The following MMP2 variants were observed in gnomAD, a reference collection of about 807,000 sequenced individuals.
MMP2 encodes 72 kDa type IV collagenase.
In MMP2, 39 loss-of-function variants were observed where a neutral mutation model predicts 74.8. That is an observed-to-expected ratio of 0.52 (90% confidence interval 0.40 to 0.68). The LOEUF (loss-of-function observed/expected upper bound fraction) is 0.68, where lower values mean the gene tolerates loss of function less well. MMP2 is among the 30% of genes least tolerant of loss of function. MMP2 has a pLI of 0.00. For synonymous variants in MMP2, 367 were observed against 339.8 expected (o/e 1.08, Z -0.88); for missense variants, 803 against 878.3 (o/e 0.91, Z 1.08).
intron 11 of MMP2, among the ~76,000 whole-genome samples, chr16:55,500,649 G>A (rs17859990): frequency 0.039 from 5,969 of 152,266 alleles, 149 homozygotes; most frequent in East Asian, 0.097. Context: ...GACAGACAGC[G>A]TGCTCTACAG....
intron 12 of MMP2, among the ~76,000 whole-genome samples, chr16:55,504,439 G>A (rs777816278): frequency 6.6e-6 from 1 of 152,100 alleles, no homozygotes; most frequent in African/African-American, 2.4e-5. Context: ...TTTAATAATA[G>A]CATATGTTAT....
At chr16:55,489,852 AC>A (rs755636345) in intron 7 of MMP2, 28 bp downstream of exon 7, 2 of 1,611,536 alleles carry the variant, frequency 1.2e-6, no homozygotes, top group South Asian at 2.2e-5. Flanking sequence ...TTGGACAGAG[AC>A]CCTGGACATT....
chr16:55,506,483 A>G lies in MMP2; in HGVS notation c.*1041A>G, dbSNP rs1420432387. The G allele has an allele frequency of 6.6e-6, 1 of 152,198 alleles. No individual in the cohort carries two copies. Among genetic ancestry groups the G allele is most frequent in the African/African-American group, 2.4e-5 (1 of 41,432 alleles). 9.4% of individuals were successfully genotyped at this position (152,198 alleles called of 1,614,324 possible). A position where few individuals can be genotyped will look rare whatever the true frequency, so the allele number is the denominator to read the frequency against. ...GTTGCTTTATTGTGGCATCTGTTCGAGGTTTGCTTCCTCTTTAAGTCTGTT... is the reference window on the plus strand; with the variant it reads ...GTTGCTTTATTGTGGCATCTGTTCGGGGTTTGCTTCCTCTTTAAGTCTGTT... On this transcript the variant is annotated 3_prime_UTR_variant, in exon 13 of 13. Transcript: ENST00000219070.
chr16:55,481,284 A>G (rs1177010967), intron 1 of MMP2, among the ~76,000 whole-genome samples: 1 of 152,198 alleles, frequency 6.6e-6, no homozygotes, highest in African/African-American at 2.4e-5. Flanking sequence ...TCCCTTTTAG[A>G]CCATATAGGG....
intron 9 of MMP2, among the ~76,000 whole-genome samples, chr16:55,496,346 G>A (rs982195779): frequency 8.5e-5 from 13 of 152,196 alleles, no homozygotes; most frequent in African/African-American, 3.1e-4. Context: ...GTTTTGTGAA[G>A]AAGGATGGTG....
At chr16:55,489,858 G>A (rs781755389) in intron 7 of MMP2, 34 bp downstream of exon 7, 43 of 1,609,816 alleles carry the variant, frequency 2.7e-5, no homozygotes, top group Admixed American at 5.0e-5. Flanking sequence ...AGAGACCCTG[G>A]ACATTGCCCT....
intron 1 of MMP2, chr16:55,480,427 G>A (rs1962068767): frequency 6.6e-6 from 1 of 152,180 alleles, no homozygotes; most frequent in Non-Finnish European, 1.5e-5. Context: ...GAGTGGGGCA[G>A]GCGCTGGAGG....
chr16:55,479,946 C>T (rs1328363438), intron 1 of MMP2: 3 of 184,282 alleles, frequency 1.6e-5, no homozygotes, highest in East Asian at 1.5e-4. Context: ...ATGTAAATAG[C>T]GGGGACATCC....
Position 55,506,512 on chromosome 16 carries a change from T to C in MMP2, c.*1070T>C, listed in dbSNP as rs950144654. The C allele has an allele frequency of 2.0e-5, 3 of 152,348 alleles. No individual in the cohort carries two copies. Among genetic ancestry groups the C allele is most frequent in the Middle Eastern group, 3.4e-3 (1 of 294 alleles). The allele number at this position is 152,348 out of a possible 1,614,324, so 9.4% of individuals were successfully genotyped here. A position where few individuals can be genotyped will look rare whatever the true frequency, so the allele number is the denominator to read the frequency against. The stretch of plus-strand genomic sequence containing the variant: ...TTGCTTCCTCTTTAAGTCTGTTTCT[T>C]CATTAGCAATCATATCAGTTTTAAT... On this transcript the variant is annotated 3_prime_UTR_variant, in exon 13 of 13. Transcript: ENST00000219070.
intron 9 of MMP2, 111 bp from the exon 10 acceptor site, chr16:55,496,815 C>A: frequency 1.4e-6 from 2 of 1,447,110 alleles, no homozygotes; most frequent in Non-Finnish European, 9.5e-7. Context: ...CCTCCCACTC[C>A]CATCATGGAA....
chr16:55,479,519 C>T lies in MMP2; in HGVS notation c.40C>T (p.Leu14=). Residue 14 remains leucine, a synonymous_variant, in exon 1 of 13, where the codon CTG becomes TTG. Transcript: ENST00000219070. ...LMARGALTGP[L]RALCLLGCLL... is the part of the protein sequence containing the mutation. Reference sequence around the variant, plus strand: ...GGCCCGGGGCGCGCTCACGGGTCCCCTGAGGGCGCTCTGTCTCCTGGGCTG... The same window carrying T: ...GGCCCGGGGCGCGCTCACGGGTCCCTTGAGGGCGCTCTGTCTCCTGGGCTG... 1 of 1,604,818 alleles carries T rather than the reference C, an allele frequency of 6.2e-7. No homozygotes were observed. Among genetic ancestry groups the T allele is most frequent in the Non-Finnish European group, 8.5e-7 (1 of 1,176,328 alleles).
chr16:55,490,983 C>T (rs1962389621), intron 7 of MMP2, among the ~76,000 whole-genome samples: 1 of 152,096 alleles, frequency 6.6e-6, no homozygotes, highest in Non-Finnish European at 1.5e-5. Context: ...GTCAGTAAGG[C>T]CATGTTCCCT....
intron 11 of MMP2, among the ~76,000 whole-genome samples, chr16:55,500,491 G>GCACA (rs1390341238): frequency 4.1e-5 from 2 of 49,302 alleles, no homozygotes; most frequent in Admixed American, 4.4e-4. Flanking sequence ...GCGCATGTGC[G>GCACA]CATACACACA....
At chr16:55,482,813 G>A (rs1232339779) in intron 1 of MMP2, 96 bp from the exon 2 acceptor site, 2 of 1,039,388 alleles carry the variant, frequency 1.9e-6, no homozygotes, top group Admixed American at 3.8e-5. Flanking sequence ...CTGGACTATG[G>A]CACTGGGTTG....
In MMP2 at chr16:55,488,577, G is replaced by A. The variant is rs1442995054; in HGVS notation, c.867G>A (p.Gln289=). 6.2e-7 allele frequency: 1 copy of A among 1,613,966 alleles called. No individual in the cohort carries two copies. The highest frequency in any genetic ancestry group is 8.5e-7 in the Non-Finnish European group (1 of 1,179,968). Residue 289 remains glutamine (Q), a synonymous_variant, in exon 6 of 13, where the codon CAG becomes CAA. Coordinates refer to ENST00000219070, the MANE Select transcript of MMP2 (RefSeq NM_004530.6). ...LFTMGGNAEG[Q]PCKFPFRFQG... ...CCATGGGCGGCAACGCTGAAGGACA[G>A]CCCTGCAAGTTTCCATTCCGCTTCC...
chr16:55,484,769 A>C (rs1471486115), intron 3 of MMP2, among the ~76,000 whole-genome samples: 1 of 152,242 alleles, frequency 6.6e-6, no homozygotes, highest in African/African-American at 2.4e-5. Context: ...ACATAAAGGT[A>C]TGTGGTATAG....
chr16:55,485,843 G>A, intron 5 of MMP2, 66 bp downstream of exon 5: 1 of 1,552,724 alleles, frequency 6.4e-7, no homozygotes, highest in Non-Finnish European at 8.8e-7. Context: ...GCTCCCCAGT[G>A]TGCTCTTCCC....
At chr16:55,492,799 C>T (rs17859937) in intron 8 of MMP2, among the ~76,000 whole-genome samples, 10,438 of 152,136 alleles carry the variant, frequency 0.069, 1,025 homozygotes, top group African/African-American at 0.21. Flanking sequence ...GCCCCCTGAC[C>T]GCCCTGACTC....
At chr16:55,495,818 C>T (rs1962516894) in intron 9 of MMP2, among the ~76,000 whole-genome samples, 1 of 152,174 alleles carries the variant, frequency 6.6e-6, no homozygotes, top group African/African-American at 2.4e-5. Context: ...CTAGCCTCTG[C>T]ACTTACTTCA....
Sources: gnomAD v4.1 joint callset for allele counts (sites outside exome capture counted in the v4.1 genomes callset) on GRCh38, gnomAD v4.1.1 for gene constraint, MANE v1.5 for transcripts, NCBI Gene and HGNC (gene_info 2026-07-23, HGNC 2026-07-21) for gene names.